ADAMTSL1: variants seen among roughly 807,000 people sequenced by gnomAD.
ADAMTSL1 encodes ADAMTS-like protein 1.
In ADAMTSL1, 126 loss-of-function variants were observed where a neutral mutation model predicts 201.8. That is an observed-to-expected ratio of 0.62 (90% CI 0.54 to 0.72). The LOEUF (loss-of-function observed/expected upper bound fraction) is 0.72, where lower values mean the gene tolerates loss of function less well. Ranked by LOEUF, ADAMTSL1 falls within the 30% of genes least tolerant of loss-of-function variation. The probability of loss-of-function intolerance (pLI) is 0.00; values close to 1 mark genes in which losing one functional copy is unlikely to be tolerated. For synonymous variants in ADAMTSL1, 1,121 were observed against 903.4 expected, an observed-to-expected ratio of 1.24 and a Z score of -4.32; for missense variants, 2,679 against 2,277.8, an observed-to-expected ratio of 1.18 and a Z score of -3.59.
chr9:18,285,719 T>A (rs1832967037), intron 2 of ADAMTSL1, among the ~76,000 whole-genome samples: 1 of 152,144 alleles, frequency 6.6e-6, no homozygotes, highest in Admixed American at 6.5e-5. Flanking sequence ...ATTCTTACTG[T>A]AGTCAAATAT....
intron 1 of ADAMTSL1, among the ~76,000 whole-genome samples, chr9:18,019,111 T>C (rs1820378504): frequency 6.6e-6 from 1 of 152,068 alleles, no homozygotes; most frequent in Non-Finnish European, 1.5e-5. Context: ...CTCTTGTTTA[T>C]GTAGTGGCAG....
chr9:18,333,259 G>A (rs1563892983), intron 2 of ADAMTSL1, among the ~76,000 whole-genome samples: 1 of 152,142 alleles, frequency 6.6e-6, no homozygotes, highest in Non-Finnish European at 1.5e-5. Flanking sequence ...TCTTGGGAGG[G>A]TCCCAGAGGG....
At chr9:18,139,312 T>C (rs1274841719) in intron 1 of ADAMTSL1, among the ~76,000 whole-genome samples, 1 of 152,188 alleles carries the variant, frequency 6.6e-6, no homozygotes, top group Non-Finnish European at 1.5e-5. Context: ...GCAGCATATT[T>C]ACCTGATTCT....
chr9:18,770,642 T>C lies in ADAMTSL1; in HGVS notation c.2258T>C (p.Val753Ala). 6.2e-7 allele frequency: 1 copy of C among 1,613,296 alleles called. No homozygotes were observed. Among genetic ancestry groups the C allele is most frequent in the South Asian group, 1.1e-5 (1 of 90,878 alleles). ...GGCGGGGGTGTTCAGAAACGTGAGG[T>C]TCTTTGCAAGCAGCGCATGGCTGAT... is the stretch of plus-strand genomic sequence containing the variant. Reference protein sequence around the residue: ...TCGGGVQKREVLCKQRMADGS... With the variant: ...TCGGGVQKREALCKQRMADGS... Residue 753 changes from valine (V) to alanine (A), a missense_variant, in exon 17 of 29, where the codon GTT becomes GCT. Val to Ala is a moderately conservative substitution (Grantham distance 64, BLOSUM62 0). Coordinates refer to ENST00000380548, the MANE Select transcript of ADAMTSL1 (RefSeq NM_001040272.6).
intron 1 of ADAMTSL1, among the ~76,000 whole-genome samples, chr9:17,917,411 G>A (rs1283502413): frequency 1.3e-5 from 2 of 151,984 alleles, no homozygotes; most frequent in East Asian, 1.9e-4. Context: ...TTCATTTGCT[G>A]AGTGTTTTTA....
At chr9:18,055,053 C>T (rs1201801690) in intron 1 of ADAMTSL1, among the ~76,000 whole-genome samples, 1 of 152,212 alleles carries the variant, frequency 6.6e-6, no homozygotes, top group Non-Finnish European at 1.5e-5. Flanking sequence ...CTGCCTGCAG[C>T]TCTGCCACAG....
At chr9:18,673,829 A>G (rs189428833) in intron 9 of ADAMTSL1, among the ~76,000 whole-genome samples, 291 of 152,306 alleles carry the variant, frequency 1.9e-3, no homozygotes, top group Non-Finnish European at 3.1e-3. Flanking sequence ...AGTCAACTTG[A>G]TTTATTCCTT....
chr9:18,458,648 A>G (rs1441568529), intron 2 of ADAMTSL1, among the ~76,000 whole-genome samples: 2 of 152,160 alleles, frequency 1.3e-5, no homozygotes, highest in Non-Finnish European at 2.9e-5. Context: ...AAGGCTTTCT[A>G]TTGTGGCTTT....
At position 18,429,858 on chromosome 9, in the gene ADAMTSL1, C is replaced by T. The variant is rs935596935; in HGVS notation, c.208-74971C>T. Among the ~76,000 whole-genome samples the T allele has an allele frequency of 3.9e-5, 6 of 152,030 alleles. No individual in the cohort carries two copies. The South Asian group carries it at 1.0e-3, about 26-fold the overall frequency. ...AGGCTGGAGTGCAGTGGTGCTATGT[C>T]GGCTCACTGCAACCTCTGCCTCCCG... On this transcript the variant is annotated intron_variant, in intron 2 of 29. Transcript: ENST00000680146.
intron 2 of ADAMTSL1, among the ~76,000 whole-genome samples, chr9:18,429,694 A>T (rs1819396805): frequency 1.3e-5 from 2 of 152,094 alleles, no homozygotes; most frequent in Admixed American, 1.3e-4. Context: ...AGGGGTCTAA[A>T]AGTTCTATTG....
chr9:18,481,195 A>C (rs1243127281), intron 1 of ADAMTSL1, among the ~76,000 whole-genome samples: 1 of 152,228 alleles, frequency 6.6e-6, no homozygotes, highest in Non-Finnish European at 1.5e-5. Flanking sequence ...GAATATCCCT[A>C]GTTTCAAACA....
At chr9:18,329,551 T>A (rs551333626) in intron 2 of ADAMTSL1, among the ~76,000 whole-genome samples, 2 of 152,342 alleles carry the variant, frequency 1.3e-5, no homozygotes, top group South Asian at 4.1e-4. Flanking sequence ...GGATTTGTTA[T>A]GTTTTTCTCA....
At chr9:18,399,846 G>C (rs972883656) in intron 2 of ADAMTSL1, among the ~76,000 whole-genome samples, 1 of 152,034 alleles carries the variant, frequency 6.6e-6, no homozygotes, top group Non-Finnish European at 1.5e-5. Flanking sequence ...AAATTTTTTG[G>C]TGTTGGTGCT....
chr9:18,635,729 A>C (rs1302274911), intron 5 of ADAMTSL1, among the ~76,000 whole-genome samples: 1 of 152,194 alleles, frequency 6.6e-6, no homozygotes, highest in East Asian at 1.9e-4. Flanking sequence ...TAAAAGGCCA[A>C]ATCCTCTAGG....
chr9:18,503,421 G>GTATGTATATATATATA (rs1822947877), intron 1 of ADAMTSL1, among the ~76,000 whole-genome samples: 1 of 115,274 alleles, frequency 8.7e-6, no homozygotes, highest in African/African-American at 3.1e-5. Context: ...ATTCCATTGT[G>GTATGTATATATATATA]TATATATATA....
intron 9 of ADAMTSL1, among the ~76,000 whole-genome samples, chr9:18,673,464 T>C (rs1587859410): frequency 6.6e-6 from 1 of 152,252 alleles, no homozygotes; most frequent in African/African-American, 2.4e-5. Context: ...ACCCATGTCA[T>C]AGAAGACAAA....
intron 1 of ADAMTSL1, among the ~76,000 whole-genome samples, chr9:18,005,122 A>G (rs1819759560): frequency 6.6e-6 from 1 of 152,096 alleles, no homozygotes; most frequent in African/African-American, 2.4e-5. Flanking sequence ...AAGATTCAAG[A>G]GCACATAACT....
At chr9:18,583,966 G>A (rs543928436) in intron 4 of ADAMTSL1, among the ~76,000 whole-genome samples, 2 of 152,310 alleles carry the variant, frequency 1.3e-5, no homozygotes, top group African/African-American at 4.8e-5. Context: ...TAGGCGGAAG[G>A]GACTTGCTTT....
chr9:18,826,419 AT>A lies in ADAMTSL1; in HGVS notation c.4071del (p.Leu1358PhefsTer5), dbSNP rs1824569904. 1.9e-6 allele frequency: 3 copies of A among 1,613,696 alleles called. No homozygotes were observed. The highest frequency in any genetic ancestry group is 1.7e-5 in the Admixed American group (1 of 59,980). ...GGCCTGTACTCCTGCAGGGCGGCCA[AT>A]CTTCATGGAGAGCTGACTGAGAGCA... ...DQGLYSCRAA[N>X]LHGELTESTQ... is the part of the protein sequence containing the mutation. On this transcript the variant is annotated frameshift_variant, in exon 22 of 29. Coordinates refer to ENST00000380548, the MANE Select transcript of ADAMTSL1 (RefSeq NM_001040272.6). LOFTEE classifies it high-confidence loss of function.
Sources: allele counts gnomAD v4.1 joint callset (sites outside exome capture counted in the v4.1 genomes callset), GRCh38; gene constraint gnomAD v4.1.1; transcripts MANE v1.5; gene names NCBI Gene and HGNC (gene_info 2026-07-23, HGNC 2026-07-21).